Variants in EDA2R observed in about 807,000 individuals in gnomAD.
EDA2R encodes the protein ectodysplasin A2 receptor.
A neutral mutation model predicts 20.1 loss-of-function variants in EDA2R; 26 were observed. The observed-to-expected ratio is 1.30, with a 90% CI of 0.95 to 1.80. EDA2R has a LOEUF of 1.80. Among genes scored for constraint, EDA2R ranks in the 40% most tolerant of loss-of-function variants. The probability of loss-of-function intolerance (pLI) is 0.00; values close to 1 mark genes in which losing one functional copy is unlikely to be tolerated. For synonymous variants in EDA2R, 114 were observed against 88.7 expected, an observed-to-expected ratio of 1.29 and a Z score of -1.60; for missense variants, 277 against 228.7, an observed-to-expected ratio of 1.21 and a Z score of -1.36.
At chrX:66,609,955 C>A (rs1262563735) in intron 2 of EDA2R, among the ~76,000 whole-genome samples, 1 of 111,123 alleles carries the variant, frequency 9.0e-6, no homozygotes, top group African/African-American at 3.3e-5. Context: ...TAAATAAATT[C>A]CTCTTTAATC....
chrX:66,602,665 C>T lies in EDA2R; in HGVS notation c.485G>A (p.Cys162Tyr). The T allele has an allele frequency of 1.7e-6, 2 of 1,201,448 alleles. No individual in the cohort carries two copies. The highest frequency in any genetic ancestry group is 2.2e-6 in the Non-Finnish European group (2 of 890,150). ...LAFLGLFFLY[C>Y]KQFFNRHCQR... is the part of the protein sequence containing the mutation. The stretch of plus-strand genomic sequence containing the variant: ...GCAATGTCTGTTGAAGAACTGCTTG[C>T]AGTAGAGGAAGAAGAGCCCCAGGAA... The change falls in exon 5 of 7, where the codon TGC becomes TAC. Residue 162 changes from cysteine to tyrosine, a missense_variant. Coordinates refer to ENST00000374719, the MANE Select transcript of EDA2R (RefSeq NM_021783.5).
intron 6 of EDA2R, 109 bp from the exon 7 acceptor site, chrX:66,598,202 T>C (rs986887813): frequency 8.3e-6 from 2 of 239,819 alleles, no homozygotes; most frequent in African/African-American, 5.7e-5. Context: ...GAGGATGTAA[T>C]AGCAGAAAGA....
At chrX:66,627,933 G>A (rs1933276011) in intron 1 of EDA2R, among the ~76,000 whole-genome samples, 1 of 111,720 alleles carries the variant, frequency 9.0e-6, no homozygotes, top group African/African-American at 3.3e-5. Context: ...CCGTATGATA[G>A]GGCTCAAAAT....
At chrX:66,622,602 G>A (rs1176416741) in intron 1 of EDA2R, among the ~76,000 whole-genome samples, 2 of 111,768 alleles carry the variant, frequency 1.8e-5, no homozygotes, top group Non-Finnish European at 3.8e-5. Flanking sequence ...CCTCTACTGC[G>A]AGCCCATCTA....
intron 6 of EDA2R, among the ~76,000 whole-genome samples, chrX:66,598,685 G>T (rs1170886616): frequency 8.9e-6 from 1 of 112,237 alleles, no homozygotes; most frequent in East Asian, 2.8e-4. Context: ...TTTGATATCA[G>T]TTATGACTTT....
At chrX:66,600,624 C>A (rs1928409473) in intron 5 of EDA2R, among the ~76,000 whole-genome samples, 1 of 111,918 alleles carries the variant, frequency 8.9e-6, no homozygotes, top group African/African-American at 3.2e-5. Flanking sequence ...GCCTACTGAA[C>A]TTCTGAGCTA....
intron 1 of EDA2R, 74 bp downstream of exon 1, chrX:66,638,921 G>C (rs1167962283): frequency 9.0e-6 from 1 of 111,320 alleles, no homozygotes; most frequent in Non-Finnish European, 1.9e-5. Flanking sequence ...ATCCTGACCT[G>C]ATTCTGTACT....
chrX:66,627,608 T>C (rs1933232300), intron 1 of EDA2R, among the ~76,000 whole-genome samples: 1 of 111,992 alleles, frequency 8.9e-6, no homozygotes, highest in East Asian at 2.8e-4. Context: ...ATGCAAATAA[T>C]ACCAGAGCTC....
intron 1 of EDA2R, among the ~76,000 whole-genome samples, chrX:66,633,908 C>G (rs1934084687): frequency 9.0e-6 from 1 of 111,515 alleles, no homozygotes; most frequent in Non-Finnish European, 1.9e-5. Context: ...TTTCTGATTT[C>G]TATTAAGTTT....
chrX:66,600,266 C>G (rs1028114325), intron 5 of EDA2R, among the ~76,000 whole-genome samples: 20 of 111,479 alleles, frequency 1.8e-4, no homozygotes, highest in African/African-American at 6.5e-4. Context: ...CTGGATTACT[C>G]TATGGGTCCA....
chrX:66,604,637 A>G, intron 3 of EDA2R, 131 bp from the exon 4 acceptor site: 1 of 542,598 alleles, frequency 1.8e-6, no homozygotes, highest in East Asian at 3.6e-5. Context: ...TTTCTGAGTT[A>G]TCTGCCTCTG....
chrX:66,634,664 C>T (rs1934163995), intron 1 of EDA2R, among the ~76,000 whole-genome samples: 1 of 111,514 alleles, frequency 9.0e-6, no homozygotes, highest in Admixed American at 9.5e-5. Flanking sequence ...TAGAATTTTC[C>T]CAAAGTCACA....
At chrX:66,627,919 T>C (rs1215129577) in intron 1 of EDA2R, among the ~76,000 whole-genome samples, 1 of 111,830 alleles carries the variant, frequency 8.9e-6, no homozygotes, top group Non-Finnish European at 1.9e-5. Context: ...TTCTCCAAGA[T>C]AGGCCGTATG....
chrX:66,632,432 A>AG (rs1225397900), intron 1 of EDA2R, among the ~76,000 whole-genome samples: 41 of 102,854 alleles, frequency 4.0e-4, no homozygotes, highest in African/African-American at 1.5e-3. Flanking sequence ...AAGAAGAAGA[A>AG]GAAGCAGGAG....
In EDA2R at chrX:66,597,588, C is replaced by A. The variant is rs1260271492; in HGVS notation, c.*516G>T. On this transcript the variant is annotated 3_prime_UTR_variant, in exon 7 of 7. Coordinates refer to ENST00000374719, the MANE Select transcript of EDA2R (RefSeq NM_021783.5). Reference sequence around the variant, plus strand: ...TGAACTTGGGAATTATGGCACGAGGCCTCCCCCAAGATAGATATTAATGTG... The same window carrying A: ...TGAACTTGGGAATTATGGCACGAGGACTCCCCCAAGATAGATATTAATGTG... 1.8e-5 allele frequency: 2 copies of A among 111,355 alleles called. No homozygotes were observed. 9.2% of individuals were successfully genotyped at this position (111,355 alleles called of 1,213,427 possible).
At position 66,602,682 on chromosome X, in the gene EDA2R, C is replaced by A. The variant is rs1365160271; in HGVS notation, c.468G>T (p.Gly156=). ...ACTGCTTGCAGTAGAGGAAGAAGAG[C>A]CCCAGGAAGGCCAGGGTAAACACCA... ...LLVVFTLAFL[G]LFFLYCKQFF... is the part of the protein sequence containing the mutation. The change falls in exon 5 of 7, where the codon GGG becomes GGT. Residue 156 remains glycine, a synonymous_variant. Transcript: ENST00000374719. The A allele has an allele frequency of 8.3e-7, 1 of 1,201,744 alleles. No individual in the cohort carries two copies. Among genetic ancestry groups the A allele is most frequent in the Non-Finnish European group, 1.1e-6 (1 of 890,221 alleles).
At chrX:66,606,982 T>C (rs757625219) in intron 2 of EDA2R, among the ~76,000 whole-genome samples, 1 of 112,115 alleles carries the variant, frequency 8.9e-6, no homozygotes, top group African/African-American at 3.2e-5. Flanking sequence ...CCTAGGGCAA[T>C]GATTATGGAT....
rs917302109 is a variant in EDA2R, at chrX:66,605,108, C to G, written c.206G>C (p.Arg69Pro). ...QSCITCAVINRVQKVNCTATS... is the reference protein window; with the variant it reads ...QSCITCAVINPVQKVNCTATS... ...AGCTGTGCAGTTGACCTTCTGAACA[C>G]GATTGATGACAGCACAGGTGATGCA... Residue 69 changes from arginine to proline, a missense_variant, in exon 3 of 7, where the codon CGT (arginine) becomes CCT (proline). Arg to Pro is a moderately radical substitution (Grantham distance 103). Coordinates refer to ENST00000374719, the MANE Select transcript of EDA2R (RefSeq NM_021783.5). 1.7e-6 allele frequency: 2 copies of G among 1,207,458 alleles called. No homozygotes were observed. The highest frequency in any genetic ancestry group is 3.5e-5 in the African/African-American group (2 of 57,085).
At chrX:66,635,730 C>T in intron 1 of EDA2R, among the ~76,000 whole-genome samples, 1 of 111,748 alleles carries the variant, frequency 8.9e-6, no homozygotes, top group South Asian at 3.7e-4. Context: ...GCAGTTCTGG[C>T]ACAGATGCTT....
Sources: gnomAD v4.1 joint callset for allele counts (sites outside exome capture counted in the v4.1 genomes callset) on GRCh38, gnomAD v4.1.1 for gene constraint, MANE v1.5 for transcripts, NCBI Gene and HGNC (gene_info 2026-07-23, HGNC 2026-07-21) for gene names.